Variants in KIF26B observed in about 807,000 individuals in gnomAD.
KIF26B encodes the protein kinesin family member 26B.
Under a neutral mutation model 151.2 loss-of-function variants are expected in KIF26B, and 63 were observed. The ratio of observed to expected loss-of-function variants is 0.42; its 90% CI spans 0.34 to 0.51. The LOEUF is 0.51. KIF26B is among the 20% of genes least tolerant of loss of function. The pLI is 0.07. For synonymous variants in KIF26B, 1,357 were observed against 1,262.1 expected (o/e 1.08, Z -1.59); for missense variants, 2,813 against 2,913.6 (o/e 0.97, Z 0.79).
chr1:245,650,467 C>T (rs1471399481), intron 10 of KIF26B, among the ~76,000 whole-genome samples: 1 of 152,254 alleles, frequency 6.6e-6, no homozygotes, highest in East Asian at 1.9e-4. Flanking sequence ...GGTGTTATGT[C>T]CCAGCTCATC....
intron 2 of KIF26B, among the ~76,000 whole-genome samples, chr1:245,169,129 C>T (rs1385157811): frequency 6.6e-6 from 1 of 151,910 alleles, no homozygotes; most frequent in Non-Finnish European, 1.5e-5. Context: ...CCACTTGGTG[C>T]CCCTCCCTCG....
rs1343370784 is a variant in KIF26B at position 245,419,643 on chromosome 1, A to G, written c.1064A>G (p.Asn355Ser). ...GLTEAVLNRY[N>S]ADKPSACSVP... ...ACAGAAGCAGTGCTGAACCGCTACA[A>G]TGCAGACAAGCCTTCCGCCTGCAGT... Residue 355 changes from asparagine (N) to serine (S), a missense_variant, in exon 4 of 15, where the codon AAT becomes AGT. By Grantham distance (46) the Asn-to-Ser change is conservative. Transcript: ENST00000407071. The G allele has an allele frequency of 1.2e-6, 2 of 1,613,944 alleles. No homozygotes were observed. Among genetic ancestry groups the G allele is most frequent in the Non-Finnish European group, 1.7e-6 (2 of 1,179,834 alleles).
intron 4 of KIF26B, among the ~76,000 whole-genome samples, chr1:245,501,973 A>G (rs751059982): frequency 3.9e-5 from 6 of 152,216 alleles, no homozygotes; most frequent in Non-Finnish European, 8.8e-5. Flanking sequence ...TTCACCATCC[A>G]AAGTTTTCAT....
At chr1:245,324,531 G>A (rs1020635392) in intron 2 of KIF26B, among the ~76,000 whole-genome samples, 11 of 152,170 alleles carry the variant, frequency 7.2e-5, no homozygotes, top group African/African-American at 1.7e-4. Flanking sequence ...AGAGGCTGTC[G>A]AGAATAAAAT....
At chr1:245,593,563 G>A (rs979290221) in intron 5 of KIF26B, among the ~76,000 whole-genome samples, 1 of 152,028 alleles carries the variant, frequency 6.6e-6, no homozygotes, top group Non-Finnish European at 1.5e-5. Flanking sequence ...TCTTTATTCT[G>A]TCTATCATTG....
At chr1:245,398,858 C>A (rs2103025959) in intron 3 of KIF26B, among the ~76,000 whole-genome samples, 1 of 151,398 alleles carries the variant, frequency 6.6e-6, no homozygotes, top group African/African-American at 2.4e-5. Context: ...CAAAGGACAC[C>A]CTTATTCACT....
At chr1:245,409,593 T>A (rs1002496292) in intron 3 of KIF26B, among the ~76,000 whole-genome samples, 4 of 152,164 alleles carry the variant, frequency 2.6e-5, no homozygotes, top group African/African-American at 9.7e-5. Flanking sequence ...GGTCACTGAG[T>A]CAAATGCTGT....
intron 4 of KIF26B, among the ~76,000 whole-genome samples, chr1:245,539,148 C>T (rs933256908): frequency 4.6e-5 from 7 of 152,146 alleles, no homozygotes; most frequent in Non-Finnish European, 1.0e-4. Context: ...TCTCTTCCCC[C>T]TGTATTTCAC....
intron 5 of KIF26B, among the ~76,000 whole-genome samples, chr1:245,543,260 A>C (rs1661664111): frequency 6.6e-6 from 1 of 152,174 alleles, no homozygotes; most frequent in African/African-American, 2.4e-5. Flanking sequence ...CAGCACTGAC[A>C]CAAAAATAGT....
At chr1:245,252,664 A>G (rs554297075) in intron 2 of KIF26B, among the ~76,000 whole-genome samples, 2 of 150,940 alleles carry the variant, frequency 1.3e-5, no homozygotes, top group South Asian at 4.1e-4. Context: ...TATGTCTGCA[A>G]TTATGACTCT....
chr1:245,675,739 G>A (rs2044349656), intron 10 of KIF26B, among the ~76,000 whole-genome samples: 1 of 152,018 alleles, frequency 6.6e-6, no homozygotes, highest in Non-Finnish European at 1.5e-5. Flanking sequence ...TTCTTAATAA[G>A]AGCACTGCCA....
intron 4 of KIF26B, among the ~76,000 whole-genome samples, chr1:245,464,839 CAATT>C (rs1659743170): frequency 6.6e-6 from 1 of 151,796 alleles, no homozygotes; most frequent in African/African-American, 2.4e-5. Flanking sequence ...GGTCACTAAT[CAATT>C]GTGAGCAGAG....
In KIF26B at chr1:245,698,424, C is replaced by A; in HGVS notation, c.6027+116C>A. ...ACTCAGACCCGGGCTTCCCAGCGGG[C>A]TTCTGGCATGGGTGGTGGGAAGGGG... On this transcript the variant is annotated intron_variant, in intron 13 of 14. Transcript: ENST00000407071. The surrounding 1 kb of genome is among the most constrained non-coding windows in gnomAD (Gnocchi z 4.0). 1.1e-6 allele frequency: 1 copy of A among 935,908 alleles called. No homozygotes were observed. The highest frequency in any genetic ancestry group is 1.6e-6 in the Non-Finnish European group (1 of 627,664). 58.0% of individuals were successfully genotyped at this position (935,908 alleles called of 1,614,324 possible). A position where few individuals can be genotyped will look rare whatever the true frequency, so the allele number is the denominator to read the frequency against.
At chr1:245,556,438 C>G (rs529364706) in intron 5 of KIF26B, among the ~76,000 whole-genome samples, 1 of 151,872 alleles carries the variant, frequency 6.6e-6, no homozygotes, top group East Asian at 1.9e-4. Flanking sequence ...CTTTTGTCAC[C>G]CAGGCTGGAG....
At chr1:245,480,967 T>C (rs1407959931) in intron 4 of KIF26B, among the ~76,000 whole-genome samples, 1 of 149,362 alleles carries the variant, frequency 6.7e-6, no homozygotes, top group African/African-American at 2.4e-5. Context: ...AAACTTTCCC[T>C]TCCTATTTCT....
At chr1:245,231,160 A>G (rs1309526117) in intron 2 of KIF26B, among the ~76,000 whole-genome samples, 2 of 152,202 alleles carry the variant, frequency 1.3e-5, no homozygotes, top group African/African-American at 4.8e-5. Flanking sequence ...CTAGGCAAAG[A>G]AAGTCCAACA....
intron 4 of KIF26B, among the ~76,000 whole-genome samples, chr1:245,466,098 G>T (rs1449314666): frequency 2.0e-5 from 3 of 152,240 alleles, no homozygotes; most frequent in African/African-American, 7.2e-5. Flanking sequence ...ACCAAATGTG[G>T]CATATGTTTT....
chr1:245,457,621 T>C (rs895224923), intron 4 of KIF26B, among the ~76,000 whole-genome samples: 1 of 152,228 alleles, frequency 6.6e-6, no homozygotes, highest in African/African-American at 2.4e-5. Flanking sequence ...GGCTTTGATT[T>C]TGAATATGGT....
chr1:245,678,274 G>A (rs1196715528), intron 10 of KIF26B, among the ~76,000 whole-genome samples: 1 of 151,932 alleles, frequency 6.6e-6, no homozygotes, highest in East Asian at 1.9e-4. Context: ...TGGGGTTTGG[G>A]GCCTAGGGCT....
Sources: allele counts gnomAD v4.1 joint callset (sites outside exome capture counted in the v4.1 genomes callset), GRCh38; gene constraint gnomAD v4.1.1; non-coding constraint Gnocchi (gnomAD v3.1); transcripts MANE v1.5; gene names NCBI Gene and HGNC (gene_info 2026-07-23, HGNC 2026-07-21).